Variants in ANAPC16 observed in about 807,000 individuals in gnomAD.
ANAPC16 encodes anaphase-promoting complex subunit 16.
ANAPC16 carries 6 observed loss-of-function variants against 13.1 expected under a neutral mutation model. That is an observed-to-expected ratio of 0.46 (90% CI 0.25 to 0.90). The LOEUF (loss-of-function observed/expected upper bound fraction) is 0.90. Among genes scored for constraint, ANAPC16 ranks in the 40% least tolerant of loss-of-function variants. The probability of loss-of-function intolerance (pLI) is 0.18; values close to 1 mark genes in which losing one functional copy is unlikely to be tolerated. For missense variants in ANAPC16, 113 were observed against 131.1 expected, an observed-to-expected ratio of 0.86 and a Z score of 0.67; for synonymous variants, 55 against 51.3, an observed-to-expected ratio of 1.07 and a Z score of -0.31.
intron 2 of ANAPC16, among the ~76,000 whole-genome samples, chr10:72,226,572 G>A (rs1860129164): frequency 6.6e-6 from 1 of 151,824 alleles, no homozygotes; most frequent in East Asian, 1.9e-4. Flanking sequence ...ACTTAGGAAG[G>A]TGAGGTGGGA....
rs747576369 is a variant in ANAPC16, at chr10:72,232,973, A to G, written c.218-28A>G. On this transcript the variant is annotated intron_variant, in intron 3 of 3. Coordinates refer to ENST00000299381, the MANE Select transcript of ANAPC16 (RefSeq NM_173473.4). ...AGTCTCTTGGGTAATACGTTGTTGC[A>G]TAATATTCTTTCCTTGACTCCTTAC... 9 of 1,581,198 alleles carry G rather than the reference A, an allele frequency of 5.7e-6. No homozygotes were observed. The South Asian group carries it at 1.0e-4, about 17-fold the overall frequency.
At chr10:72,224,340 C>A (rs1055160774) in intron 2 of ANAPC16, among the ~76,000 whole-genome samples, 1 of 152,106 alleles carries the variant, frequency 6.6e-6, no homozygotes, top group African/African-American at 2.4e-5. Context: ...GGGCTGGGCA[C>A]GGTGGCTCAC....
intron 2 of ANAPC16, among the ~76,000 whole-genome samples, chr10:72,227,860 A>G (rs55817840): frequency 0.086 from 11,672 of 135,508 alleles, 1,288 homozygotes; most frequent in African/African-American, 0.26. Flanking sequence ...GTGAAACCCC[A>G]CCTCTACTAA....
rs755407083 is a variant in ANAPC16 at position 72,233,059 on chromosome 10, C to T, written c.276C>T (p.Asp92=). The change falls in exon 4 of 4, where the codon GAC becomes GAT. Residue 92 remains aspartate (D), a synonymous_variant. Transcript: ENST00000299381. ...LAGLVEELEA[D]EWRFKPIEQL... Reference sequence around the variant, plus strand: ...GTTTGGTAGAAGAGCTGGAGGCTGACGAGTGGCGGTTTAAGCCCATCGAGC... The same window carrying T: ...GTTTGGTAGAAGAGCTGGAGGCTGATGAGTGGCGGTTTAAGCCCATCGAGC... The T allele has an allele frequency of 5.0e-6, 8 of 1,614,070 alleles. No homozygotes were observed. Among genetic ancestry groups the T allele is most frequent in the South Asian group, 4.4e-5 (4 of 91,094 alleles).
rs1280867922 is a variant in ANAPC16 at position 72,232,509 on chromosome 10, A to G, written c.218-492A>G. Among the ~76,000 whole-genome samples, 5 of 150,424 alleles carry G rather than the reference A, an allele frequency of 3.3e-5. No homozygotes were observed. In the East Asian group the frequency reaches 9.9e-4, roughly 30 times the overall value. On this transcript the variant is annotated intron_variant, in intron 3 of 3. Coordinates refer to ENST00000299381, the MANE Select transcript of ANAPC16 (RefSeq NM_173473.4). ...CAGTGAGCCGAGATCGCGCCATTGC[A>G]CTGCAGCCTGGGCAACAAAGCAAGA...
intron 3 of ANAPC16, among the ~76,000 whole-genome samples, chr10:72,231,938 A>C (rs1050130668): frequency 6.6e-6 from 1 of 151,692 alleles, no homozygotes; most frequent in Non-Finnish European, 1.5e-5. Flanking sequence ...TATAATCCCA[A>C]CAATTTGGGA....
At chr10:72,218,477 T>C (rs1197635545) in intron 1 of ANAPC16, among the ~76,000 whole-genome samples, 2 of 152,018 alleles carry the variant, frequency 1.3e-5, no homozygotes, top group African/African-American at 4.8e-5. Context: ...CTTCAAAATG[T>C]CACAGCAGAT....
intron 1 of ANAPC16, among the ~76,000 whole-genome samples, chr10:72,218,166 ATATAT>A (rs1272943240): frequency 4.9e-4 from 10 of 20,346 alleles, no homozygotes; most frequent in African/African-American, 2.2e-3. Context: ...AAAAAAAAAA[ATATAT>A]ATATATATAT....
chr10:72,219,879 A>T (rs1023098351), intron 1 of ANAPC16, among the ~76,000 whole-genome samples: 1 of 152,240 alleles, frequency 6.6e-6, no homozygotes, highest in Non-Finnish European at 1.5e-5. Flanking sequence ...TCAGAAACCA[A>T]GCTCTGCTTC....
chr10:72,230,429 A>C lies in ANAPC16; in HGVS notation c.206A>C (p.Gln69Pro). The stretch of plus-strand genomic sequence containing the variant: ...TATCAAGTGGCATCCACGCTTAAAC[A>C]GGTGAAACATGGTAAGCACATGAGT... Reference protein sequence around the residue: ...FSYQVASTLKQVKHDQQVARM... With the variant: ...FSYQVASTLKPVKHDQQVARM... Residue 69 changes from glutamine (Q) to proline (P), a missense_variant, in exon 3 of 4, where the codon CAG becomes CCG. Transcript: ENST00000299381. 1 of 1,613,958 alleles carries C rather than the reference A, an allele frequency of 6.2e-7. No homozygotes were observed. Among genetic ancestry groups the C allele is most frequent in the Non-Finnish European group, 8.5e-7 (1 of 1,179,846 alleles).
chr10:72,216,757 C>T (rs932379376), intron 1 of ANAPC16: 3 of 453,952 alleles, frequency 6.6e-6, no homozygotes, highest in South Asian at 3.1e-5. Context: ...TCGGACACAG[C>T]AATCTGTGTC....
intron 1 of ANAPC16, among the ~76,000 whole-genome samples, chr10:72,221,468 A>G (rs1300330443): frequency 2.6e-5 from 4 of 151,894 alleles, no homozygotes; most frequent in Non-Finnish European, 5.9e-5. Flanking sequence ...CATATTGTGC[A>G]GTGCAGAAAT....
In ANAPC16 at chr10:72,218,161, AAAAAATATATATATATATATATATAT is replaced by A. The variant is rs1248327485; in HGVS notation, c.-28+2025_-28+2050del. ...ACTCTGTCTCAAAAAAAAAAAAAAA[AAAAAATATATATATATATATATATAT>A]ATATATATATATATATATATATATA... is the stretch of plus-strand genomic sequence containing the variant. On this transcript the variant is annotated intron_variant, in intron 1 of 3. Transcript: ENST00000299381. 9.2e-4 allele frequency among the ~76,000 whole-genome samples: 37 copies of A among 40,388 alleles called. 1 individual carries two copies. Among genetic ancestry groups the A allele is most frequent in the South Asian group, 1.9e-3 (2 of 1,058 alleles). 26.5% of individuals were successfully genotyped at this position (40,388 alleles called of 152,430 possible). A position where few individuals can be genotyped will look rare whatever the true frequency, so the allele number is the denominator to read the frequency against.
chr10:72,220,370 G>T (rs1363285542), intron 1 of ANAPC16: 2 of 149,316 alleles, frequency 1.3e-5, no homozygotes, highest in African/African-American at 5.1e-5. Flanking sequence ...ATAAGTTTCA[G>T]CCAGGCATGG....
chr10:72,230,110 G>T (rs866911515), intron 2 of ANAPC16, among the ~76,000 whole-genome samples: 1 of 152,156 alleles, frequency 6.6e-6, no homozygotes, highest in African/African-American at 2.4e-5. Flanking sequence ...GACATCAGAC[G>T]GAGGTTTCTT....
rs750534184 is a variant in ANAPC16, at chr10:72,233,047, G to A, written c.264G>A (p.Glu88=). Residue 88 remains glutamate, a synonymous_variant, in exon 4 of 4, where the codon GAG becomes GAA. Coordinates refer to ENST00000299381, the MANE Select transcript of ANAPC16 (RefSeq NM_173473.4). ...AAAAACTAGCTGGTTTGGTAGAAGA[G>A]CTGGAGGCTGACGAGTGGCGGTTTA... is the stretch of plus-strand genomic sequence containing the variant. The part of the protein sequence containing the change: ...RMEKLAGLVE[E]LEADEWRFKP... 6.2e-7 allele frequency: 1 copy of A among 1,614,234 alleles called. No individual in the cohort carries two copies. The highest frequency in any genetic ancestry group is 8.5e-7 in the Non-Finnish European group (1 of 1,180,042).
At chr10:72,230,585 T>A in intron 3 of ANAPC16, 145 bp downstream of exon 3, 1 of 686,134 alleles carries the variant, frequency 1.5e-6, no homozygotes, top group East Asian at 2.8e-5. Context: ...AATCTAGTCA[T>A]AATGTCCACA....
At chr10:72,222,488 GGAAA>G (rs1859978484) in intron 1 of ANAPC16, among the ~76,000 whole-genome samples, 1 of 125,604 alleles carries the variant, frequency 8.0e-6, no homozygotes, top group East Asian at 2.7e-4. Flanking sequence ...AAAAAAAAAA[GGAAA>G]GAGGCCAGGC....
chr10:72,218,355 C>T (rs1219900386), intron 1 of ANAPC16, among the ~76,000 whole-genome samples: 5 of 151,266 alleles, frequency 3.3e-5, no homozygotes, highest in Non-Finnish European at 7.4e-5. Flanking sequence ...ATGATGTGTC[C>T]ACAGTCATGC....
Sources: allele counts gnomAD v4.1 joint callset (sites outside exome capture counted in the v4.1 genomes callset), GRCh38; gene constraint gnomAD v4.1.1; transcripts MANE v1.5; gene names NCBI Gene and HGNC (gene_info 2026-07-23, HGNC 2026-07-21).